The following TMEM67 variants were observed in gnomAD, a reference collection of about 807,000 sequenced individuals.
TMEM67 encodes transmembrane protein 67.
Under a neutral mutation model 136.6 loss-of-function variants are expected in TMEM67, and 124 were observed. That is an observed-to-expected ratio of 0.91 (90% CI 0.78 to 1.05). The LOEUF is 1.05. TMEM67 is among the 50% of genes least tolerant of loss of function. The pLI, the probability that TMEM67 is intolerant of heterozygous loss-of-function variation, is 0.00. For synonymous variants in TMEM67, 364 were observed against 390.5 expected, an observed-to-expected ratio of 0.93 and a Z score of 0.80; for missense variants, 1,107 against 1,178.4, an observed-to-expected ratio of 0.94 and a Z score of 0.89.
At chr8:93,809,290 C>CT in intron 25 of TMEM67, 129 bp downstream of exon 25, 1 of 684,540 alleles carries the variant, frequency 1.5e-6, no homozygotes, top group East Asian at 2.7e-5. Flanking sequence ...AAGACCTTCC[C>CT]TTTTTTTGTC....
Position 93,766,155 on chromosome 8 carries a change from G to A in TMEM67, c.651+509G>A, listed in dbSNP as rs1024390619. On this transcript the variant is annotated intron_variant, in intron 6 of 27. Coordinates refer to ENST00000453321, the MANE Select transcript of TMEM67 (RefSeq NM_153704.6). ...TTATTTTTGTTTGAGATGGAGTCTCGCTCTGTTGCCCAGGCTGGAGTGCTG... is the reference window on the plus strand; with the variant it reads ...TTATTTTTGTTTGAGATGGAGTCTCACTCTGTTGCCCAGGCTGGAGTGCTG... Among the ~76,000 whole-genome samples the A allele has an allele frequency of 4.0e-5, 6 of 151,748 alleles. No individual in the cohort carries two copies. In the South Asian group the frequency reaches 6.3e-4, roughly 16 times the overall value.
intron 26 of TMEM67, among the ~76,000 whole-genome samples, chr8:93,810,142 T>C (rs573294160): frequency 1.3e-4 from 19 of 150,872 alleles, no homozygotes; most frequent in African/African-American, 4.3e-4. Context: ...CTAATTTTTT[T>C]TGTATTTTTA....
chr8:93,781,064 T>G (rs1159450858), intron 9 of TMEM67, 82 bp downstream of exon 9: 1 of 959,530 alleles, frequency 1.0e-6, no homozygotes, highest in African/African-American at 1.6e-5. Flanking sequence ...ATTCTTGCCT[T>G]TTTAGGTTGT....
chr8:93,773,930 C>T (rs2130628353), intron 7 of TMEM67, among the ~76,000 whole-genome samples: 1 of 151,974 alleles, frequency 6.6e-6, no homozygotes, highest in Admixed American at 6.5e-5. Context: ...TTTCTCTTCC[C>T]AAGTGGAAAG....
At chr8:93,827,023 G>A in the TMEM67 span, among the ~76,000 whole-genome samples, 1 of 152,172 alleles carries the variant, frequency 6.6e-6, no homozygotes, top group Non-Finnish European at 1.5e-5. Flanking sequence ...TAGAGACAAG[G>A]TTTCACCATG....
At position 93,786,447 on chromosome 8, in the gene TMEM67, C is replaced by T. The variant is rs972267539; in HGVS notation, c.1412+101C>T. 8 of 1,376,194 alleles carry T rather than the reference C, an allele frequency of 5.8e-6. No homozygotes were observed. The Admixed American group carries it at 8.8e-5, about 15-fold the overall frequency. 85.2% of individuals were successfully genotyped at this position (1,376,194 alleles called of 1,614,324 possible). The stretch of plus-strand genomic sequence containing the variant: ...AACAATAAGGACAACTGAATTGGAA[C>T]AGTTGGTCGGGTTATTTTAGGTGTA... On this transcript the variant is annotated intron_variant, in intron 13 of 27. Coordinates refer to ENST00000453321, the MANE Select transcript of TMEM67 (RefSeq NM_153704.6).
chr8:93,815,930 T>A (rs1808889648), intron 27 of TMEM67, among the ~76,000 whole-genome samples: 1 of 152,256 alleles, frequency 6.6e-6, no homozygotes, highest in African/African-American at 2.4e-5. Flanking sequence ...GGCAAATCTG[T>A]TCTTGAAATG....
chr8:93,830,560 A>G, the TMEM67 span, among the ~76,000 whole-genome samples: 3 of 152,214 alleles, frequency 2.0e-5, no homozygotes, highest in African/African-American at 7.2e-5. Flanking sequence ...GAATTGGGGT[A>G]CCAGGTTGGT....
At chr8:93,764,789 TC>T (rs1813009427) in intron 4 of TMEM67, among the ~76,000 whole-genome samples, 1 of 152,158 alleles carries the variant, frequency 6.6e-6, no homozygotes, top group African/African-American at 2.4e-5. Flanking sequence ...GTGTTTTATG[TC>T]ATGCCCCAGC....
chr8:93,790,501 T>TA (rs1297792586), intron 14 of TMEM67, among the ~76,000 whole-genome samples: 2 of 152,222 alleles, frequency 1.3e-5, no homozygotes, highest in Admixed American at 6.5e-5. Flanking sequence ...TGCCTTATCT[T>TA]AAAAACAAAC....
In TMEM67 at chr8:93,791,320, G is replaced by A. The variant is rs386834187; in HGVS notation, c.1575+1G>A. 4 of 1,588,342 alleles carry A rather than the reference G, an allele frequency of 2.5e-6. No homozygotes were observed. The highest frequency in any genetic ancestry group is 4.5e-5 in the East Asian group (2 of 44,598). On this transcript the variant is annotated splice_donor_variant, in intron 15 of 27. Transcript: ENST00000453321. LOFTEE classifies it high-confidence loss of function. ...TGGAGAAGCACATGTCCAGACAGAT[G>A]TAAGTTTATTTTAACCTTTTAAAAT...
intron 13 of TMEM67, among the ~76,000 whole-genome samples, 161 bp downstream of exon 13, chr8:93,786,507 G>A (rs1338478657): frequency 6.6e-6 from 1 of 151,500 alleles, no homozygotes; most frequent in African/African-American, 2.4e-5. Context: ...AAAGTGAATA[G>A]CCAAGGGGGA....
intron 6 of TMEM67, among the ~76,000 whole-genome samples, chr8:93,765,876 A>C (rs1586016789): frequency 6.6e-6 from 1 of 152,208 alleles, no homozygotes; most frequent in African/African-American, 2.4e-5. Flanking sequence ...TGTTTACACC[A>C]GAAATATCTG....
chr8:93,801,799 G>A (rs1814883653), intron 21 of TMEM67, among the ~76,000 whole-genome samples: 1 of 152,102 alleles, frequency 6.6e-6, no homozygotes, highest in Non-Finnish European at 1.5e-5. Context: ...AAATTGATGA[G>A]ACTTACTCAA....
chr8:93,791,288 T>C lies in TMEM67; in HGVS notation c.1544T>C (p.Met515Thr), dbSNP rs1329676384. Residue 515 changes from methionine (M) to threonine (T), a missense_variant, in exon 15 of 28, where the codon ATG (methionine) becomes ACG (threonine). Physicochemically the swap from Met to Thr is moderately conservative, Grantham distance 81. Around this residue, in one of 3 missense-constraint regions of TMEM67, gnomAD observed 925 missense variants for 1,002.4 expected, o/e 0.92. Coordinates refer to ENST00000453321, the MANE Select transcript of TMEM67 (RefSeq NM_153704.6). ...GTTTCTTTCTCAGTCACATATGAAATGGATCATGGAGAAGCACATGTCCAG... is the reference window on the plus strand; with the variant it reads ...GTTTCTTTCTCAGTCACATATGAAACGGATCATGGAGAAGCACATGTCCAG... Reference protein sequence around the residue: ...VKVSFSVTYEMDHGEAHVQTD... With the variant: ...VKVSFSVTYETDHGEAHVQTD... 5.0e-6 allele frequency: 8 copies of C among 1,607,138 alleles called. No homozygotes were observed. The highest frequency in any genetic ancestry group is 1.7e-5 in the Admixed American group (1 of 59,976).
chr8:93,790,537 C>T (rs1814329959), intron 14 of TMEM67, among the ~76,000 whole-genome samples: 1 of 152,190 alleles, frequency 6.6e-6, no homozygotes, highest in East Asian at 1.9e-4. Flanking sequence ...AACAAACAAA[C>T]ATTTTACTCA....
At chr8:93,798,924 T>C (rs931486505) in intron 20 of TMEM67, among the ~76,000 whole-genome samples, 1 of 150,050 alleles carries the variant, frequency 6.7e-6, no homozygotes, top group Non-Finnish European at 1.5e-5. Context: ...CTCACATCTT[T>C]TCTTTTTGTA....
chr8:93,799,528 G>A, intron 20 of TMEM67, 90 bp from the exon 21 acceptor site: 1 of 1,282,546 alleles, frequency 7.8e-7, no homozygotes, highest in Non-Finnish European at 1.1e-6. Flanking sequence ...AGTTTTTCAA[G>A]GTGAGTAGGG....
At position 93,781,079 on chromosome 8, in the gene TMEM67, A is replaced by G. The variant is rs1813804002; in HGVS notation, c.978+97A>G. ...ATTCTTGCCTTTTTAGGTTGTTGGT[A>G]CAAACTCAGTTACTAAACTAAATAT... is the stretch of plus-strand genomic sequence containing the variant. On this transcript the variant is annotated intron_variant, in intron 9 of 27. Transcript: ENST00000453321. 3 of 814,060 alleles carry G rather than the reference A, an allele frequency of 3.7e-6. No individual in the cohort carries two copies. In the African/African-American group the frequency reaches 5.1e-5, roughly 14 times the overall value. The allele number at this position is 814,060 out of a possible 1,614,324, so 50.4% of individuals were successfully genotyped here.
Sources: gnomAD v4.1 joint callset for allele counts (sites outside exome capture counted in the v4.1 genomes callset) on GRCh38, gnomAD v4.1.1 for gene constraint, gnomAD v4.1.1 regional missense constraint, MANE v1.5 for transcripts, NCBI Gene and HGNC (gene_info 2026-07-23, HGNC 2026-07-21) for gene names.